The following DNM3 variants were observed in gnomAD, a reference collection of about 807,000 sequenced individuals.
DNM3 encodes dynamin 3.
A neutral mutation model predicts 101.6 loss-of-function variants in DNM3; 47 were observed. The ratio of observed to expected loss-of-function variants is 0.46; its 90% CI spans 0.37 to 0.59. DNM3 has a LOEUF of 0.59. Ranked by LOEUF, DNM3 falls within the 20% of genes least tolerant of loss-of-function variation. DNM3 has a pLI of 0.00. For synonymous variants in DNM3, 385 were observed against 387.9 expected, an observed-to-expected ratio of 0.99 and a Z score of 0.09; for missense variants, 849 against 1,085.7, an observed-to-expected ratio of 0.78 and a Z score of 3.06.
In DNM3 at chr1:172,221,042, A is replaced by T. The variant is rs1011448137; in HGVS notation, c.1660-32531A>T. Among the ~76,000 whole-genome samples the T allele has an allele frequency of 5.0e-4, 76 of 152,048 alleles. 2 individuals carry two copies. Among genetic ancestry groups the T allele is most frequent in the Non-Finnish European group, 2.9e-5 (2 of 67,984 alleles). On this transcript the variant is annotated intron_variant, in intron 14 of 20. Coordinates refer to ENST00000627582, the MANE Select transcript of DNM3 (RefSeq NM_015569.5). Reference sequence around the variant, plus strand: ...TACTTTTCATTCAATTTTCTCCTTCATCAATCCCTCTTCCCTTCTCCCCTT... The same window carrying T: ...TACTTTTCATTCAATTTTCTCCTTCTTCAATCCCTCTTCCCTTCTCCCCTT...
At chr1:172,179,527 T>A (rs1270330049) in intron 14 of DNM3, among the ~76,000 whole-genome samples, 1 of 151,570 alleles carries the variant, frequency 6.6e-6, no homozygotes, top group African/African-American at 2.4e-5. Context: ...AGGGGAGAAG[T>A]TTTTTTTGCT....
chr1:172,336,624 T>C (rs922077500), intron 17 of DNM3, among the ~76,000 whole-genome samples: 1 of 151,066 alleles, frequency 6.6e-6, no homozygotes, highest in African/African-American at 2.5e-5. Flanking sequence ...TCCTGATATC[T>C]TACCTAATCA....
chr1:171,903,968 A>T (rs573874544), intron 1 of DNM3, among the ~76,000 whole-genome samples: 1 of 152,314 alleles, frequency 6.6e-6, no homozygotes, highest in Non-Finnish European at 1.5e-5. Flanking sequence ...TAATTGGGAA[A>T]GAAGGAAGAC....
At chr1:172,314,707 G>T (rs1353009709) in intron 16 of DNM3, among the ~76,000 whole-genome samples, 2 of 152,342 alleles carry the variant, frequency 1.3e-5, no homozygotes, top group African/African-American at 4.8e-5. Flanking sequence ...CCATTGCCCA[G>T]GCTTGCTTAG....
chr1:172,325,588 T>G (rs914074210), intron 17 of DNM3, among the ~76,000 whole-genome samples: 1 of 151,974 alleles, frequency 6.6e-6, no homozygotes, highest in Admixed American at 6.5e-5. Context: ...TTCCTGTAGC[T>G]TAGAATTTCA....
intron 13 of DNM3, chr1:172,093,830 T>A: frequency 8.9e-7 from 1 of 1,129,428 alleles, no homozygotes; most frequent in Non-Finnish European, 1.3e-6. Flanking sequence ...GCTACTAATT[T>A]TTTTTAAACT....
intron 1 of DNM3, among the ~76,000 whole-genome samples, chr1:171,842,174 C>G (rs1478447532): frequency 6.6e-6 from 1 of 152,130 alleles, no homozygotes; most frequent in Admixed American, 6.5e-5. Flanking sequence ...AGCCTCCCTG[C>G]GTAGCGCGCC....
intron 14 of DNM3, among the ~76,000 whole-genome samples, chr1:172,145,124 G>C (rs1169267478): frequency 6.6e-6 from 1 of 152,110 alleles, no homozygotes; most frequent in African/African-American, 2.4e-5. Context: ...AGTTAGTGTA[G>C]AAGTACAAAT....
intron 15 of DNM3, among the ~76,000 whole-genome samples, chr1:172,294,888 G>A (rs1185035961): frequency 6.7e-6 from 1 of 149,968 alleles, no homozygotes; most frequent in Non-Finnish European, 1.5e-5. Context: ...CTACAGCCTG[G>A]GCAACAGAGC....
chr1:171,983,150 CA>C (rs746214783), intron 2 of DNM3, among the ~76,000 whole-genome samples: 2 of 152,056 alleles, frequency 1.3e-5, no homozygotes, highest in Non-Finnish European at 2.9e-5. Flanking sequence ...TTCTTTACAA[CA>C]AAACTCCTTA....
rs373678544 is a variant in DNM3, at chr1:171,880,093, A to G, written c.161+38276A>G. 3.3e-5 allele frequency among the ~76,000 whole-genome samples: 5 copies of G among 152,208 alleles called. No homozygotes were observed. In the South Asian group the frequency reaches 1.0e-3, roughly 31 times the overall value. ...GCATCTGCAGTGTAAGAAGGCAAAT[A>G]TGGAGATTGGAACAGAAGTTGAGCT... On this transcript the variant is annotated intron_variant, in intron 1 of 20. Coordinates refer to ENST00000627582, the MANE Select transcript of DNM3 (RefSeq NM_015569.5).
chr1:172,266,721 C>T (rs527533901), intron 15 of DNM3, among the ~76,000 whole-genome samples: 10 of 152,224 alleles, frequency 6.6e-5, no homozygotes, highest in African/African-American at 2.2e-4. Context: ...CCTATCCACC[C>T]ACACCCCCCT....
At chr1:172,138,487 TC>T (rs1000948893) in intron 14 of DNM3, 8 of 152,512 alleles carry the variant, frequency 5.2e-5, no homozygotes, top group African/African-American at 1.9e-4. Context: ...AGTTTTTATA[TC>T]AATATAGGGT....
At chr1:172,053,555 G>C (rs528942401) in intron 10 of DNM3, among the ~76,000 whole-genome samples, 1 of 151,826 alleles carries the variant, frequency 6.6e-6, no homozygotes, top group Non-Finnish European at 1.5e-5. Context: ...AAAAAAAGGC[G>C]CTGTGTTTTT....
intron 11 of DNM3, among the ~76,000 whole-genome samples, chr1:172,069,337 G>A (rs1308817659): frequency 6.6e-6 from 1 of 151,970 alleles, no homozygotes; most frequent in Non-Finnish European, 1.5e-5. Flanking sequence ...AATGCTCAGT[G>A]TTTTCATTTT....
At chr1:172,313,580 G>C (rs190509720) in intron 16 of DNM3, among the ~76,000 whole-genome samples, 2 of 152,170 alleles carry the variant, frequency 1.3e-5, no homozygotes, top group Non-Finnish European at 2.9e-5. Context: ...CTCACAGTTG[G>C]ATCCTGAGCC....
chr1:172,210,874 AG>A (rs1005713490), intron 14 of DNM3, among the ~76,000 whole-genome samples: 5 of 152,226 alleles, frequency 3.3e-5, no homozygotes, highest in African/African-American at 1.2e-4. Context: ...CGATAGCAAA[AG>A]CCAAGTGTGA....
chr1:172,284,061 G>A (rs1029814136), intron 15 of DNM3, among the ~76,000 whole-genome samples: 1 of 152,194 alleles, frequency 6.6e-6, no homozygotes, highest in Non-Finnish European at 1.5e-5. Context: ...GGAAGAAAAA[G>A]AAGTGAAATA....
intron 12 of DNM3, among the ~76,000 whole-genome samples, chr1:172,091,932 T>C (rs1477002743): frequency 6.6e-6 from 1 of 152,116 alleles, no homozygotes; most frequent in African/African-American, 2.4e-5. Flanking sequence ...TGGTTAAATG[T>C]TAAATTTATT....
Sources: gnomAD v4.1 joint callset for allele counts (sites outside exome capture counted in the v4.1 genomes callset) on GRCh38, gnomAD v4.1.1 for gene constraint, MANE v1.5 for transcripts, NCBI Gene and HGNC (gene_info 2026-07-23, HGNC 2026-07-21) for gene names.